PTPN11: variants seen among roughly 807,000 people sequenced by gnomAD.
The protein encoded by PTPN11 is protein tyrosine phosphatase non-receptor type 11.
Under a neutral mutation model 78.8 loss-of-function variants are expected in PTPN11, and 6 were observed. That is an observed-to-expected ratio of 0.08 (90% CI 0.04 to 0.15). PTPN11 has a LOEUF of 0.15. PTPN11 is among the 10% of genes least tolerant of loss of function. The pLI is 1.00. For synonymous variants in PTPN11, 221 were observed against 263.5 expected, an observed-to-expected ratio of 0.84 and a Z score of 1.56; for missense variants, 386 against 744.8, an observed-to-expected ratio of 0.52 and a Z score of 5.61.
Position 112,506,946 on chromosome 12 carries a change from T to TTGATGATGA in PTPN11, c.*1193_*1201dup, listed in dbSNP as rs80269561. ...ACAGTGTCCCTTCTACTTCCCTCTA[T>TTGATGATGA]TGATGATGATGATGATGATGATGAT... is the stretch of plus-strand genomic sequence containing the variant. On this transcript the variant is annotated 3_prime_UTR_variant, in exon 16 of 16. Coordinates refer to ENST00000351677, the MANE Select transcript of PTPN11 (RefSeq NM_002834.5). 18 of 217,278 alleles carry TTGATGATGA rather than the reference T, an allele frequency of 8.3e-5. No homozygotes were observed. The highest frequency in any genetic ancestry group is 4.6e-4 in the South Asian group (5 of 10,932). 13.5% of individuals were successfully genotyped at this position (217,278 alleles called of 1,614,324 possible).
At chr12:112,475,908 T>C (rs563896328) in intron 7 of PTPN11, among the ~76,000 whole-genome samples, 1 of 152,324 alleles carries the variant, frequency 6.6e-6, no homozygotes, top group South Asian at 2.1e-4. Context: ...GAGAAGCAGT[T>C]TGAGCTGTAG....
chr12:112,434,606 C>CAA (rs879943475), intron 1 of PTPN11, among the ~76,000 whole-genome samples: 6 of 103,592 alleles, frequency 5.8e-5, no homozygotes, highest in East Asian at 2.7e-4. Context: ...GACTCCGTCT[C>CAA]AAAAAAAAAA....
intron 13 of PTPN11, among the ~76,000 whole-genome samples, chr12:112,500,285 T>A (rs1227267519): frequency 6.6e-6 from 1 of 152,190 alleles, no homozygotes; most frequent in Non-Finnish European, 1.5e-5. Flanking sequence ...TTGCCAATTC[T>A]TCCATTTAAT....
In PTPN11 at chr12:112,488,968, C is replaced by G. The variant is rs572206886; in HGVS notation, c.1448-56C>G. 1.5e-4 allele frequency: 237 copies of G among 1,606,508 alleles called. 1 individual carries two copies. The African/African-American group carries it at 3.0e-3, about 20-fold the overall frequency. ...AGTCCACTAAAAGTTGTGCATTAAA[C>G]AACTTCATCCTGGCTCTGCAGTTTC... On this transcript the variant is annotated intron_variant, in intron 12 of 15. Coordinates refer to ENST00000351677, the MANE Select transcript of PTPN11 (RefSeq NM_002834.5).
Position 112,446,447 on chromosome 12 carries a change from A to T in PTPN11, c.137+49A>T, listed in dbSNP as rs761259292. ...ATCCTGAGAGTGTTTTCTAGGTAGG[A>T]AGTGGTAAAACCATGCTTGGATAGC... On this transcript the variant is annotated intron_variant, in intron 2 of 15. Coordinates refer to ENST00000351677, the MANE Select transcript of PTPN11 (RefSeq NM_002834.5). The T allele has an allele frequency of 8.0e-5, 129 of 1,613,030 alleles. No individual in the cohort carries two copies. The highest frequency in any genetic ancestry group is 4.5e-4 in the Admixed American group (27 of 59,982).
intron 6 of PTPN11, 71 bp downstream of exon 6, chr12:112,456,134 GT>G: frequency 9.6e-7 from 1 of 1,042,286 alleles, no homozygotes; most frequent in Non-Finnish European, 1.5e-6. Flanking sequence ...AGTTGCTCTT[GT>G]GTTTGGAATT....
intron 4 of PTPN11, among the ~76,000 whole-genome samples, chr12:112,453,800 C>T (rs539220874): frequency 3.9e-5 from 6 of 151,950 alleles, no homozygotes; most frequent in African/African-American, 1.4e-4. Context: ...CAGGTGTGTG[C>T]CACCATGCCC....
intron 13 of PTPN11, among the ~76,000 whole-genome samples, chr12:112,496,361 A>G (rs924773850): frequency 2.0e-5 from 3 of 152,166 alleles, no homozygotes; most frequent in African/African-American, 7.2e-5. Context: ...CCATTTTTCT[A>G]TGGTGCCCTG....
chr12:112,492,563 G>C (rs1338039283), intron 13 of PTPN11, among the ~76,000 whole-genome samples: 4 of 151,414 alleles, frequency 2.6e-5, no homozygotes, highest in Admixed American at 2.0e-4. Flanking sequence ...CGTCTCCCAG[G>C]CTGGAGTGCA....
rs1019770982 is a variant in PTPN11, at chr12:112,418,979, C to T, written c.-133C>T. ...GGGATCCCCAGGCCTGGAGGGGGGT[C>T]TGTGCGCGGCCGGCTGGCTCTGCCC... On this transcript the variant is annotated 5_prime_UTR_variant, in exon 1 of 16. Transcript: ENST00000351677. The T allele has an allele frequency of 5.3e-6, 6 of 1,122,460 alleles. No individual in the cohort carries two copies. The highest frequency in any genetic ancestry group is 2.8e-5 in the East Asian group (1 of 36,060). The allele number at this position is 1,122,460 out of a possible 1,614,324, so 69.5% of individuals were successfully genotyped here.
At chr12:112,479,305 A>G (rs1470978149) in intron 9 of PTPN11, among the ~76,000 whole-genome samples, 1 of 152,094 alleles carries the variant, frequency 6.6e-6, no homozygotes, top group Non-Finnish European at 1.5e-5. Context: ...TGTTCTAGTG[A>G]AAGTTCTTTT....
chr12:112,481,886 G>C (rs896803345), intron 9 of PTPN11, among the ~76,000 whole-genome samples, 188 bp from the exon 10 acceptor site: 27 of 152,154 alleles, frequency 1.8e-4, no homozygotes, highest in African/African-American at 6.5e-4. Context: ...ACTTCTGCCT[G>C]GTCCTCCGAA....
intron 1 of PTPN11, among the ~76,000 whole-genome samples, chr12:112,435,484 G>T (rs1009220516): frequency 6.6e-6 from 1 of 152,136 alleles, no homozygotes; most frequent in Non-Finnish European, 1.5e-5. Flanking sequence ...GTAGATTGTG[G>T]GGGTCTAGGC....
intron 1 of PTPN11, among the ~76,000 whole-genome samples, chr12:112,422,229 C>T (rs2037532646): frequency 6.6e-6 from 1 of 152,138 alleles, no homozygotes; most frequent in Non-Finnish European, 1.5e-5. Context: ...ATCAAAATAA[C>T]TCCTCTTGGG....
At chr12:112,489,424 T>A (rs890382673) in intron 13 of PTPN11, among the ~76,000 whole-genome samples, 3 of 152,214 alleles carry the variant, frequency 2.0e-5, no homozygotes, top group Non-Finnish European at 4.4e-5. Flanking sequence ...ATTGAAGAAC[T>A]GCCATGCAGA....
Position 112,477,585 on chromosome 12 carries a change from T to A in PTPN11, c.854-66T>A. 1.6e-6 allele frequency: 2 copies of A among 1,280,554 alleles called. 1 individual carries two copies. Among genetic ancestry groups the A allele is most frequent in the Non-Finnish European group, 2.3e-6 (2 of 879,986 alleles). 79.3% of individuals were successfully genotyped at this position (1,280,554 alleles called of 1,614,324 possible). Reference sequence around the variant, plus strand: ...AACTTGGACTAGGCTGGGGAGTAACTGATTTGAACTGTTTTTTCCTGAAGC... The same window carrying A: ...AACTTGGACTAGGCTGGGGAGTAACAGATTTGAACTGTTTTTTCCTGAAGC... On this transcript the variant is annotated intron_variant, in intron 7 of 15. Coordinates refer to ENST00000351677, the MANE Select transcript of PTPN11 (RefSeq NM_002834.5).
chr12:112,500,780 CAG>C (rs1336987139), intron 13 of PTPN11, among the ~76,000 whole-genome samples: 3 of 152,038 alleles, frequency 2.0e-5, no homozygotes, highest in African/African-American at 7.2e-5. Context: ...TTAGTAGAGA[CAG>C]GGTTTTGCCA....
chr12:112,504,662 T>C lies in PTPN11; in HGVS notation c.1713-33T>C, dbSNP rs1397002237. 1 of 1,484,620 alleles carries C rather than the reference T, an allele frequency of 6.7e-7. No individual in the cohort carries two copies. The highest frequency in any genetic ancestry group is 1.4e-5 in the African/African-American group (1 of 71,672). 92.0% of individuals were successfully genotyped at this position (1,484,620 alleles called of 1,614,324 possible). A position where few individuals can be genotyped will look rare whatever the true frequency, so the allele number is the denominator to read the frequency against. The stretch of plus-strand genomic sequence containing the variant: ...AGCTTAAACAGCGTGGTCTACATTT[T>C]TGTAAATGTCTTTCTTTTTCTTTTC... On this transcript the variant is annotated intron_variant, in intron 14 of 15. Coordinates refer to ENST00000351677, the MANE Select transcript of PTPN11 (RefSeq NM_002834.5). The surrounding 1 kb of genome is among the most constrained non-coding windows in gnomAD (Gnocchi z 4.7).
intron 13 of PTPN11, among the ~76,000 whole-genome samples, chr12:112,490,107 C>G (rs947868001): frequency 3.3e-5 from 5 of 152,104 alleles, no homozygotes; most frequent in African/African-American, 1.2e-4. Flanking sequence ...AAATTTGAAC[C>G]TCAGTGCTTT....
Sources: allele counts gnomAD v4.1 joint callset (sites outside exome capture counted in the v4.1 genomes callset), GRCh38; gene constraint gnomAD v4.1.1; non-coding constraint Gnocchi (gnomAD v3.1); transcripts MANE v1.5; gene names NCBI Gene and HGNC (gene_info 2026-07-23, HGNC 2026-07-21).